Variants in RBFOX2 observed in about 807,000 individuals in gnomAD.
The protein encoded by RBFOX2 is RNA binding protein fox-1 homolog 2.
In RBFOX2, 10 loss-of-function variants were observed where a neutral mutation model predicts 49.1. The ratio of observed to expected loss-of-function variants is 0.20; its 90% CI spans 0.13 to 0.35. RBFOX2 has a LOEUF of 0.35. Ranked by LOEUF, RBFOX2 falls within the 10% of genes least tolerant of loss-of-function variation. RBFOX2 has a pLI of 1.00. For synonymous variants in RBFOX2, 183 were observed against 187.4 expected, an observed-to-expected ratio of 0.98 and a Z score of 0.19; for missense variants, 323 against 486.9, an observed-to-expected ratio of 0.66 and a Z score of 3.17.
intron 2 of RBFOX2, among the ~76,000 whole-genome samples, chr22:35,790,639 T>A (rs866155659): frequency 2.0e-5 from 3 of 152,228 alleles, no homozygotes; most frequent in Admixed American, 6.5e-5. Flanking sequence ...CTATGTAAGA[T>A]GCTAACATTA....
chr22:35,821,305 A>T (rs1314421246), intron 1 of RBFOX2, among the ~76,000 whole-genome samples: 1 of 152,164 alleles, frequency 6.6e-6, no homozygotes, highest in Non-Finnish European at 1.5e-5. Context: ...TTATGATTAA[A>T]AGCAGCAGTA....
chr22:35,761,352 T>G, intron 7 of RBFOX2, 58 bp from the exon 9 acceptor site: 1 of 1,612,466 alleles, frequency 6.2e-7, no homozygotes, highest in Admixed American at 1.7e-5. Context: ...AGTCACAAAT[T>G]GAAAAACAGC....
chr22:35,961,635 C>G, exon 1 of RBFOX2: 32 of 1,304,134 alleles, frequency 2.5e-5, no homozygotes, highest in Non-Finnish European at 3.1e-5. Context: ...AATTCTAAAC[C>G]CTGCTGCTCT....
chr22:35,781,654 A>G (rs1424034927), exon 3 of RBFOX2: 2 of 1,614,090 alleles, frequency 1.2e-6, no homozygotes, highest in African/African-American at 2.7e-5. Context: ...TATTAGAGAC[A>G]TGCAGCCGTT....
intron 1 of RBFOX2, among the ~76,000 whole-genome samples, chr22:35,888,158 TG>T (rs1158326589): frequency 6.6e-6 from 1 of 152,184 alleles, no homozygotes; most frequent in Non-Finnish European, 1.5e-5. Flanking sequence ...AGAAGATTGC[TG>T]GATAAAACTC....
At chr22:35,990,463 T>C (rs981330136) in intron 1 of RBFOX2, among the ~76,000 whole-genome samples, 3 of 152,000 alleles carry the variant, frequency 2.0e-5, no homozygotes, top group South Asian at 2.1e-4. Flanking sequence ...CTCAATGACA[T>C]TGGAGAAAAG....
At chr22:35,920,210 T>C (rs2050877200) in intron 1 of RBFOX2, among the ~76,000 whole-genome samples, 1 of 152,228 alleles carries the variant, frequency 6.6e-6, no homozygotes, top group Non-Finnish European at 1.5e-5. Flanking sequence ...TCTAATTGCA[T>C]GTGGTTATTA....
rs1210986619 is a variant in RBFOX2 at position 35,749,484 on chromosome 22, G to A, written c.888-2923C>T. 1.3e-5 allele frequency among the ~76,000 whole-genome samples: 2 copies of A among 151,900 alleles called. No individual in the cohort carries two copies. The highest frequency in any genetic ancestry group is 2.9e-5 in the Non-Finnish European group (2 of 67,966). ...AGTAGAAAAATTAATTGTGTATCAT[G>A]GATGTATTCCTCTCTCTCTCTCTTA... On this transcript the variant is annotated intron_variant, in intron 9 of 11. Transcript: ENST00000405409. The surrounding 1 kb of genome is among the most constrained non-coding windows in gnomAD (Gnocchi z 4.1).
chr22:35,902,911 C>T (rs574459156), intron 1 of RBFOX2, among the ~76,000 whole-genome samples: 1 of 152,208 alleles, frequency 6.6e-6, no homozygotes, highest in East Asian at 1.9e-4. Context: ...CTGCCCCAGC[C>T]TCCCAAAATG....
At chr22:35,908,369 A>T (rs1445326535) in intron 1 of RBFOX2, among the ~76,000 whole-genome samples, 3 of 152,182 alleles carry the variant, frequency 2.0e-5, no homozygotes, top group Admixed American at 6.5e-5. Flanking sequence ...AACCTACCAA[A>T]CATCATAGCT....
At position 35,802,023 on chromosome 22, in the gene RBFOX2, TA is replaced by T. The variant is rs1454006170; in HGVS notation, c.252+7756del. 8.5e-5 allele frequency among the ~76,000 whole-genome samples: 13 copies of T among 152,296 alleles called. No homozygotes were observed. In the South Asian group the frequency reaches 2.5e-3, roughly 29 times the overall value. ...TTGGCAGCGATAAACTTATACTCTA[TA>T]CATATGGGTTATCTCTTTAGGAACT... On this transcript the variant is annotated intron_variant, in intron 2 of 11. Coordinates refer to ENST00000405409, the Ensembl canonical transcript of RBFOX2.
intron 9 of RBFOX2, chr22:35,750,522 G>A: frequency 1.6e-6 from 2 of 1,274,568 alleles, no homozygotes; most frequent in Non-Finnish European, 2.3e-6. Context: ...CCCTAATGTA[G>A]GAGGGCACAC....
intron 1 of RBFOX2, among the ~76,000 whole-genome samples, chr22:36,023,846 C>T (rs529294141): frequency 2.0e-5 from 3 of 152,238 alleles, no homozygotes; most frequent in South Asian, 2.1e-4. Context: ...TTGAAAGCAC[C>T]GACCCTTCCT....
intron 1 of RBFOX2, among the ~76,000 whole-genome samples, chr22:35,892,324 C>T (rs1273632367): frequency 6.6e-6 from 1 of 152,128 alleles, no homozygotes; most frequent in African/African-American, 2.4e-5. Flanking sequence ...CTTTTCACCA[C>T]CTCATGCTGC....
At chr22:35,851,071 C>A (rs749364577) in intron 1 of RBFOX2, among the ~76,000 whole-genome samples, 1 of 152,142 alleles carries the variant, frequency 6.6e-6, no homozygotes, top group Non-Finnish European at 1.5e-5. Context: ...TATTACCATG[C>A]CCTCCATGCC....
intron 1 of RBFOX2, among the ~76,000 whole-genome samples, chr22:35,904,047 T>C (rs1479340926): frequency 2.6e-5 from 4 of 152,314 alleles, no homozygotes; most frequent in East Asian, 1.9e-4. Flanking sequence ...TCAATCACTA[T>C]TCTAAAGACA....
intron 1 of RBFOX2, among the ~76,000 whole-genome samples, chr22:35,987,573 C>T (rs898672561): frequency 1.3e-5 from 2 of 152,146 alleles, no homozygotes; most frequent in South Asian, 4.1e-4. Context: ...TAACCTGCTC[C>T]TTCTACTGAT....
chr22:35,821,668 G>C, intron 1 of RBFOX2: 1 of 491,380 alleles, frequency 2.0e-6, no homozygotes, highest in Non-Finnish European at 4.0e-6. Flanking sequence ...TCAGTCCTTT[G>C]AGGACTGACC....
At chr22:35,767,100 G>A (rs926563213) in intron 5 of RBFOX2, among the ~76,000 whole-genome samples, 4 of 152,008 alleles carry the variant, frequency 2.6e-5, no homozygotes, top group Non-Finnish European at 1.5e-5. Flanking sequence ...GTAACTCTGA[G>A]TAAGATGTGC....
Sources: gnomAD v4.1 joint callset for allele counts (sites outside exome capture counted in the v4.1 genomes callset) on GRCh38, gnomAD v4.1.1 for gene constraint, Gnocchi (gnomAD v3.1) non-coding constraint, MANE v1.5 for transcripts, NCBI Gene and HGNC (gene_info 2026-07-23, HGNC 2026-07-21) for gene names.